KPNA4: variants seen among roughly 807,000 people sequenced by gnomAD.
The protein encoded by KPNA4 is karyopherin subunit alpha 4, also known as importin subunit alpha-3.
KPNA4 carries 13 observed loss-of-function variants against 71.3 expected under a neutral mutation model. The observed-to-expected ratio is 0.18, with a 90% CI of 0.12 to 0.29. The LOEUF (loss-of-function observed/expected upper bound fraction) is 0.29. Among genes scored for constraint, KPNA4 ranks in the 10% least tolerant of loss-of-function variants. KPNA4 has a pLI of 1.00. For synonymous variants in KPNA4, 189 were observed against 195.2 expected (o/e 0.97, Z 0.26); for missense variants, 334 against 603.2 (o/e 0.55, Z 4.67).
chr3:160,539,766 T>C (rs1281111519), intron 1 of KPNA4, among the ~76,000 whole-genome samples: 1 of 152,162 alleles, frequency 6.6e-6, no homozygotes, highest in African/African-American at 2.4e-5. Context: ...AGGGACTGGG[T>C]ATTTCCAGTC....
intron 10 of KPNA4, 59 bp downstream of exon 10, chr3:160,525,741 G>A: frequency 8.9e-7 from 1 of 1,121,872 alleles, no homozygotes; most frequent in Non-Finnish European, 1.2e-6. Context: ...ATGTCACAGG[G>A]GAAGCCCTAG....
chr3:160,514,511 T>C (rs1721162933), intron 12 of KPNA4, among the ~76,000 whole-genome samples: 1 of 152,270 alleles, frequency 6.6e-6, no homozygotes, highest in African/African-American at 2.4e-5. Context: ...GAATAATGAG[T>C]ATAATACAAA....
At chr3:160,546,541 A>G (rs1721913841) in intron 1 of KPNA4, among the ~76,000 whole-genome samples, 1 of 152,200 alleles carries the variant, frequency 6.6e-6, no homozygotes, top group African/African-American at 2.4e-5. Flanking sequence ...AATCTGTGAG[A>G]ATATGGAACC....
chr3:160,531,822 T>C (rs180735648), intron 5 of KPNA4, among the ~76,000 whole-genome samples: 2 of 152,182 alleles, frequency 1.3e-5, no homozygotes, highest in Admixed American at 6.5e-5. Flanking sequence ...AGATGGAGTC[T>C]CACTCTGTTG....
chr3:160,539,003 A>G (rs1250374244), intron 1 of KPNA4, among the ~76,000 whole-genome samples: 2 of 152,154 alleles, frequency 1.3e-5, no homozygotes, highest in Non-Finnish European at 2.9e-5. Flanking sequence ...TAAAGTACTT[A>G]AACTGTCCCT....
At chr3:160,552,735 G>A (rs939325439) in intron 1 of KPNA4, among the ~76,000 whole-genome samples, 5 of 152,154 alleles carry the variant, frequency 3.3e-5, no homozygotes, top group Non-Finnish European at 5.9e-5. Flanking sequence ...GACTGGAGGC[G>A]CAGAGAAAGC....
rs1720807772 is a variant in KPNA4 at position 160,498,391 on chromosome 3, T to C, written c.*3713A>G. On this transcript the variant is annotated 3_prime_UTR_variant, in exon 17 of 17. Transcript: ENST00000334256. ...AGAACTCTTAAGATGGCTCCCAAGA[T>C]TCCCTGGTATACATACTCCATATAA... 1 of 152,216 alleles carries C rather than the reference T, an allele frequency of 6.6e-6. No homozygotes were observed. The highest frequency in any genetic ancestry group is 2.4e-5 in the African/African-American group (1 of 41,460). 9.4% of individuals were successfully genotyped at this position (152,216 alleles called of 1,614,324 possible). A position where few individuals can be genotyped will look rare whatever the true frequency, so the allele number is the denominator to read the frequency against.
At chr3:160,548,189 T>C (rs1015120690) in intron 1 of KPNA4, among the ~76,000 whole-genome samples, 29 of 152,182 alleles carry the variant, frequency 1.9e-4, no homozygotes, top group Non-Finnish European at 4.1e-4. Flanking sequence ...CGGCATGTGG[T>C]GTTGTTAGTG....
chr3:160,517,911 G>A (rs1461388803), intron 11 of KPNA4, among the ~76,000 whole-genome samples: 1 of 152,056 alleles, frequency 6.6e-6, no homozygotes, highest in African/African-American at 2.4e-5. Flanking sequence ...TCTATTCTAT[G>A]GGTTGTCTTT....
At chr3:160,563,627 A>G (rs1250415377) in intron 1 of KPNA4, among the ~76,000 whole-genome samples, 2 of 152,214 alleles carry the variant, frequency 1.3e-5, no homozygotes, top group African/African-American at 4.8e-5. Context: ...GGATTCTGTA[A>G]TTTTGTGGTA....
At chr3:160,552,876 A>G (rs62272805) in intron 1 of KPNA4, among the ~76,000 whole-genome samples, 16,604 of 152,198 alleles carry the variant, frequency 0.11, 1,213 homozygotes, top group African/African-American at 0.21. Context: ...GAGACGGAGA[A>G]GTAGACAAGG....
At chr3:160,538,629 G>A (rs1450972159) in intron 1 of KPNA4, among the ~76,000 whole-genome samples, 1 of 151,936 alleles carries the variant, frequency 6.6e-6, no homozygotes, top group Non-Finnish European at 1.5e-5. Context: ...GCTCCACTTC[G>A]GACTTAAAAG....
intron 5 of KPNA4, among the ~76,000 whole-genome samples, chr3:160,531,953 C>G (rs1057478151): frequency 1.3e-5 from 2 of 152,106 alleles, no homozygotes; most frequent in Non-Finnish European, 2.9e-5. Context: ...CCACCACACC[C>G]AGCTATTTTT....
intron 1 of KPNA4, among the ~76,000 whole-genome samples, chr3:160,548,192 T>C (rs778711066): frequency 5.3e-5 from 8 of 152,210 alleles, no homozygotes; most frequent in Non-Finnish European, 1.0e-4. Flanking sequence ...CATGTGGTGT[T>C]GTTAGTGCTC....
At chr3:160,519,687 G>C (rs972285718) in intron 11 of KPNA4, among the ~76,000 whole-genome samples, 1 of 150,806 alleles carries the variant, frequency 6.6e-6, no homozygotes, top group African/African-American at 2.4e-5. Flanking sequence ...CCCAGCTACT[G>C]GGGAGGCTGA....
At chr3:160,512,356 A>G (rs1721112499) in intron 13 of KPNA4, among the ~76,000 whole-genome samples, 1 of 152,206 alleles carries the variant, frequency 6.6e-6, no homozygotes, top group African/African-American at 2.4e-5. Flanking sequence ...TATCAAAAAG[A>G]GTAACAACTA....
intron 1 of KPNA4, among the ~76,000 whole-genome samples, chr3:160,562,852 T>A (rs1163259679): frequency 1.3e-5 from 2 of 152,186 alleles, no homozygotes; most frequent in African/African-American, 4.8e-5. Flanking sequence ...AAGTCACACA[T>A]CACAATATTC....
rs896948642 is a variant in KPNA4, at chr3:160,501,921, T to C, written c.*183A>G. The C allele has an allele frequency of 5.7e-5, 14 of 245,482 alleles. No homozygotes were observed. Among genetic ancestry groups the C allele is most frequent in the African/African-American group, 2.7e-4 (12 of 44,024 alleles). 15.2% of individuals were successfully genotyped at this position (245,482 alleles called of 1,614,324 possible). A position where few individuals can be genotyped will look rare whatever the true frequency, so the allele number is the denominator to read the frequency against. Reference sequence around the variant, plus strand: ...GCCATCTTGACCTCATTTGGGCATTTTCTGTGATTCCAAATGAAATCTTCA... The same window carrying C: ...GCCATCTTGACCTCATTTGGGCATTCTCTGTGATTCCAAATGAAATCTTCA... On this transcript the variant is annotated 3_prime_UTR_variant, in exon 17 of 17. Transcript: ENST00000334256.
intron 11 of KPNA4, among the ~76,000 whole-genome samples, chr3:160,521,126 G>A (rs192089736): frequency 4.6e-5 from 7 of 152,244 alleles, no homozygotes; most frequent in South Asian, 2.1e-4. Flanking sequence ...GAAGATAAGA[G>A]TTAACTAAAC....
Sources: allele counts gnomAD v4.1 joint callset (sites outside exome capture counted in the v4.1 genomes callset), GRCh38; gene constraint gnomAD v4.1.1; transcripts MANE v1.5; gene names NCBI Gene and HGNC (gene_info 2026-07-23, HGNC 2026-07-21).